MYO16: variants seen among roughly 807,000 people sequenced by gnomAD.
MYO16 encodes the protein myosin XVI.
Under a neutral mutation model 205.3 loss-of-function variants are expected in MYO16, and 94 were observed. The ratio of observed to expected loss-of-function variants is 0.46; its 90% CI spans 0.39 to 0.54. The LOEUF (loss-of-function observed/expected upper bound fraction) is 0.54. MYO16 is among the 20% of genes least tolerant of loss of function. The pLI, the probability that MYO16 is intolerant of heterozygous loss-of-function variation, is 0.00. For synonymous variants in MYO16, 988 were observed against 954.0 expected, an observed-to-expected ratio of 1.04 and a Z score of -0.66; for missense variants, 2,315 against 2,387.5, an observed-to-expected ratio of 0.97 and a Z score of 0.63.
chr13:108,832,568 A>T (rs1199879232), intron 9 of MYO16, among the ~76,000 whole-genome samples: 4 of 152,156 alleles, frequency 2.6e-5, no homozygotes. Flanking sequence ...CATGATGATG[A>T]ATAAAATCCT....
At chr13:109,200,912 G>C (rs1880366738) in intron 34 of MYO16, among the ~76,000 whole-genome samples, 2 of 152,070 alleles carry the variant, frequency 1.3e-5, no homozygotes, top group African/African-American at 4.8e-5. Context: ...ATCTGGAGTG[G>C]ATGTATTTTG....
At chr13:108,954,366 A>G (rs1315007718) in intron 16 of MYO16, among the ~76,000 whole-genome samples, 2 of 152,204 alleles carry the variant, frequency 1.3e-5, no homozygotes, top group African/African-American at 4.8e-5. Flanking sequence ...TCAGAAAAAA[A>G]GAGAATGTCA....
At chr13:109,196,183 T>C (rs1285805557) in intron 34 of MYO16, among the ~76,000 whole-genome samples, 2 of 152,194 alleles carry the variant, frequency 1.3e-5, no homozygotes, top group Non-Finnish European at 2.9e-5. Context: ...CACAAGATTC[T>C]TTACAGTAAA....
intron 2 of MYO16, among the ~76,000 whole-genome samples, chr13:108,711,513 A>G (rs1883722921): frequency 1.3e-5 from 2 of 152,230 alleles, no homozygotes; most frequent in Non-Finnish European, 2.9e-5. Context: ...CCTGGCTCAC[A>G]GGCGGAGGCC....
chr13:108,540,466 G>T, the MYO16 span, among the ~76,000 whole-genome samples: 1 of 151,982 alleles, frequency 6.6e-6, no homozygotes, highest in African/African-American at 2.4e-5. Context: ...AAGTGAATCT[G>T]GTATGACTGA....
chr13:108,647,413 G>A (rs1052137521), intron 1 of MYO16, among the ~76,000 whole-genome samples: 4 of 152,136 alleles, frequency 2.6e-5, no homozygotes, highest in African/African-American at 9.7e-5. Flanking sequence ...AATGGTTCCT[G>A]TGGCAGAACT....
At chr13:109,112,616 AC>A (rs951688008) in intron 28 of MYO16, among the ~76,000 whole-genome samples, 2 of 152,042 alleles carry the variant, frequency 1.3e-5, no homozygotes, top group Non-Finnish European at 2.9e-5. Context: ...TTAGCCAGGC[AC>A]GGTGGCGCAT....
intron 16 of MYO16, among the ~76,000 whole-genome samples, chr13:108,916,685 A>G (rs1411421133): frequency 6.6e-6 from 1 of 152,212 alleles, no homozygotes; most frequent in Non-Finnish European, 1.5e-5. Context: ...TGAGTGTTAG[A>G]CTACCTGTGT....
intron 28 of MYO16, among the ~76,000 whole-genome samples, chr13:109,105,537 T>G (rs1889099973): frequency 6.6e-6 from 1 of 152,214 alleles, no homozygotes; most frequent in Non-Finnish European, 1.5e-5. Context: ...ATCCAATGGA[T>G]TTTTAGCTTT....
At chr13:108,838,989 C>T (rs1430836391) in intron 9 of MYO16, among the ~76,000 whole-genome samples, 1 of 151,830 alleles carries the variant, frequency 6.6e-6, no homozygotes, top group Non-Finnish European at 1.5e-5. Context: ...TTTTTGTTAC[C>T]TATAACAGGA....
chr13:109,156,668 C>T (rs1277038244), intron 32 of MYO16, among the ~76,000 whole-genome samples: 3 of 152,178 alleles, frequency 2.0e-5, no homozygotes, highest in Non-Finnish European at 4.4e-5. Flanking sequence ...CTTTCTCTCC[C>T]CTGCTTCCTG....
chr13:108,672,550 T>A (rs1882036518), intron 2 of MYO16, among the ~76,000 whole-genome samples: 1 of 152,172 alleles, frequency 6.6e-6, no homozygotes, highest in Admixed American at 6.5e-5. Context: ...TAAATGTATT[T>A]TTTTGTCAGT....
chr13:109,059,437 C>T (rs1887514981), intron 27 of MYO16, among the ~76,000 whole-genome samples: 1 of 152,130 alleles, frequency 6.6e-6, no homozygotes, highest in African/African-American at 2.4e-5. Context: ...TCAATAAGCA[C>T]CAGTATTTTG....
chr13:108,712,766 G>A (rs1034278850), intron 3 of MYO16, 35 bp downstream of exon 3: 12 of 1,560,678 alleles, frequency 7.7e-6, no homozygotes, highest in Non-Finnish European at 1.1e-5. Flanking sequence ...AGTGCATGGG[G>A]ACACCCGGGG....
rs1309669261 is a variant in MYO16, at chr13:108,677,407, CAT to C, written c.292+11265_292+11266del. On this transcript the variant is annotated intron_variant, in intron 2 of 34. Transcript: ENST00000457511. ...TATACAGGTATATATACAGTGTATA[CAT>C]ATATATTCAGGTATATGTGTGTATA... Among the ~76,000 whole-genome samples, 9 of 141,772 alleles carry C rather than the reference CAT, an allele frequency of 6.3e-5. No homozygotes were observed. In the East Asian group the frequency reaches 1.8e-3, roughly 29 times the overall value. The allele number at this position is 141,772 out of a possible 152,430, so 93.0% of individuals were successfully genotyped here. A position where few individuals can be genotyped will look rare whatever the true frequency, so the allele number is the denominator to read the frequency against.
intron 2 of MYO16, among the ~76,000 whole-genome samples, chr13:108,667,318 TTG>T (rs1185155754): frequency 2.0e-4 from 29 of 144,742 alleles, no homozygotes; most frequent in South Asian, 1.2e-3. Flanking sequence ...AATTTCTGTT[TTG>T]TTTTTTTTTT....
intron 2 of MYO16, among the ~76,000 whole-genome samples, chr13:108,694,145 A>G (rs1566554215): frequency 2.0e-5 from 3 of 152,162 alleles, no homozygotes; most frequent in Admixed American, 6.5e-5. Context: ...TATCTTTGCT[A>G]TTGTGAATAG....
At chr13:108,746,858 A>G (rs1379023986) in intron 4 of MYO16, among the ~76,000 whole-genome samples, 1 of 152,192 alleles carries the variant, frequency 6.6e-6, no homozygotes, top group Non-Finnish European at 1.5e-5. Context: ...TAAGTATAGC[A>G]TATTTGAAAT....
At chr13:108,736,619 A>G (rs966647641) in intron 4 of MYO16, among the ~76,000 whole-genome samples, 1 of 152,118 alleles carries the variant, frequency 6.6e-6, no homozygotes, top group African/African-American at 2.4e-5. Context: ...TTGTCTTGGC[A>G]ATGCGGGCTG....
Sources: allele counts gnomAD v4.1 joint callset (sites outside exome capture counted in the v4.1 genomes callset), GRCh38; gene constraint gnomAD v4.1.1; transcripts MANE v1.5; gene names NCBI Gene and HGNC (gene_info 2026-07-23, HGNC 2026-07-21).